COG5: variants seen among roughly 807,000 people sequenced by gnomAD.
The protein encoded by COG5 is conserved oligomeric Golgi complex subunit 5.
Under a neutral mutation model 110.4 loss-of-function variants are expected in COG5, and 86 were observed. The ratio of observed to expected loss-of-function variants is 0.78; its 90% CI spans 0.65 to 0.93. COG5 has a LOEUF of 0.93. COG5 is among the 40% of genes least tolerant of loss of function. The probability of loss-of-function intolerance (pLI) is 0.00; values close to 1 mark genes in which losing one functional copy is unlikely to be tolerated. For missense variants in COG5, 1,077 were observed against 987.0 expected, an observed-to-expected ratio of 1.09 and a Z score of -1.22; for synonymous variants, 360 against 334.6, an observed-to-expected ratio of 1.08 and a Z score of -0.83.
intron 6 of COG5, among the ~76,000 whole-genome samples, chr7:107,523,748 G>A (rs531650619): frequency 2.2e-4 from 34 of 152,116 alleles, no homozygotes; most frequent in African/African-American, 7.2e-4. Flanking sequence ...CCGGGAGGCG[G>A]AGGTTGCCGT....
At chr7:107,405,102 G>C (rs1015497395) in intron 7 of COG5, among the ~76,000 whole-genome samples, 4 of 152,126 alleles carry the variant, frequency 2.6e-5, no homozygotes, top group Non-Finnish European at 5.9e-5. Context: ...TCTTACTAAA[G>C]AAGGGGGAAG....
chr7:107,515,096 G>A (rs1021444996), intron 6 of COG5, among the ~76,000 whole-genome samples: 8 of 152,024 alleles, frequency 5.3e-5, no homozygotes, highest in Admixed American at 2.6e-4. Context: ...TAAATTAAAC[G>A]AATTATAAAT....
At chr7:107,205,668 C>A (rs1798715695) in intron 21 of COG5, among the ~76,000 whole-genome samples, 3 of 152,158 alleles carry the variant, frequency 2.0e-5, no homozygotes, top group Admixed American at 2.0e-4. Context: ...TTAGAATACC[C>A]TTCCTTGCTT....
At chr7:107,404,014 T>C (rs994513558) in intron 7 of COG5, among the ~76,000 whole-genome samples, 6 of 152,164 alleles carry the variant, frequency 3.9e-5, no homozygotes, top group African/African-American at 1.2e-4. Flanking sequence ...ACAATTTAGT[T>C]TTTAACAAAA....
At chr7:107,555,882 T>C (rs938199520) in intron 2 of COG5, among the ~76,000 whole-genome samples, 6 of 152,076 alleles carry the variant, frequency 3.9e-5, no homozygotes, top group African/African-American at 1.4e-4. Context: ...CGTGTGGTGG[T>C]GCACACCTGT....
chr7:107,352,812 A>T lies in COG5; in HGVS notation c.1026+9221T>A, dbSNP rs369547071. Among the ~76,000 whole-genome samples the T allele has an allele frequency of 5.3e-5, 8 of 152,308 alleles. No homozygotes were observed. In the South Asian group the frequency reaches 1.2e-3, roughly 24 times the overall value. On this transcript the variant is annotated intron_variant, in intron 10 of 21. Coordinates refer to ENST00000297135, the MANE Select transcript of COG5 (RefSeq NM_006348.5). ...TGCATCCTATACACATGATTACAAG[A>T]TTCTGTTTAATGATAAAAACTTCTG...
chr7:107,462,332 T>C (rs1009829475), intron 6 of COG5, among the ~76,000 whole-genome samples: 1 of 152,210 alleles, frequency 6.6e-6, no homozygotes, highest in Non-Finnish European at 1.5e-5. Context: ...TACCCATTCA[T>C]GGACTTTTGC....
intron 14 of COG5, among the ~76,000 whole-genome samples, chr7:107,262,206 T>G (rs1803412511): frequency 6.6e-6 from 1 of 152,114 alleles, no homozygotes. Flanking sequence ...TTGATTCTAA[T>G]TCCAATAATT....
intron 1 of COG5, 68 bp from the exon 2 acceptor site, chr7:107,558,183 A>T (rs1803471430): frequency 1.4e-6 from 2 of 1,478,908 alleles, no homozygotes; most frequent in Non-Finnish European, 1.9e-6. Context: ...TAAACAACAG[A>T]ACAATTATAA....
rs769329259 is a variant in COG5, at chr7:107,201,458, A to G, written c.*2058T>C. 87 of 1,445,916 alleles carry G rather than the reference A, an allele frequency of 6.0e-5. No individual in the cohort carries two copies. Among genetic ancestry groups the G allele is most frequent in the South Asian group, 3.9e-4 (34 of 86,318 alleles). The allele number at this position is 1,445,916 out of a possible 1,614,324, so 89.6% of individuals were successfully genotyped here. ...CCAGGATGCTTATGTTCTTAAGTCT[A>G]TATTTGCATATACATTGACTCTTGA... On this transcript the variant is annotated 3_prime_UTR_variant, in exon 22 of 22. Transcript: ENST00000297135.
chr7:107,369,187 G>C (rs1315533929), intron 8 of COG5, among the ~76,000 whole-genome samples: 1 of 152,066 alleles, frequency 6.6e-6, no homozygotes, highest in Non-Finnish European at 1.5e-5. Flanking sequence ...ATTTAATATG[G>C]TCTGTCATAT....
At chr7:107,477,154 G>A (rs1042120319) in intron 6 of COG5, among the ~76,000 whole-genome samples, 2 of 151,644 alleles carry the variant, frequency 1.3e-5, no homozygotes, top group Admixed American at 6.6e-5. Context: ...TTTTCGTTTA[G>A]TAAATACATT....
rs1381069997 is a variant in COG5, at chr7:107,284,074, G to A, written c.1314-342C>T. The stretch of plus-strand genomic sequence containing the variant: ...CAAGTAGCTGGGATTACAGCTGCCC[G>A]CCACCATGCCCAGCTAATTGTTGTA... On this transcript the variant is annotated intron_variant, in intron 12 of 21. Transcript: ENST00000297135. Among the ~76,000 whole-genome samples, 5 of 151,918 alleles carry A rather than the reference G, an allele frequency of 3.3e-5. 1 individual carries two copies. In the South Asian group the frequency reaches 6.2e-4, roughly 19 times the overall value.
At chr7:107,266,731 G>C (rs767949975) in intron 14 of COG5, among the ~76,000 whole-genome samples, 1 of 152,066 alleles carries the variant, frequency 6.6e-6, no homozygotes, top group Non-Finnish European at 1.5e-5. Flanking sequence ...GAAACCAGAG[G>C]ACTAACCATG....
At chr7:107,534,138 G>T (rs1801408320) in intron 5 of COG5, among the ~76,000 whole-genome samples, 2 of 151,490 alleles carry the variant, frequency 1.3e-5, no homozygotes, top group Admixed American at 6.6e-5. Flanking sequence ...TCACCACCAG[G>T]CTTGCCTTAC....
chr7:107,204,608 G>T (rs892309725), intron 21 of COG5, among the ~76,000 whole-genome samples: 5 of 152,142 alleles, frequency 3.3e-5, no homozygotes, highest in African/African-American at 1.2e-4. Flanking sequence ...CACTTAAGTG[G>T]TTTTCTTTTG....
chr7:107,336,514 C>T (rs1810713164), intron 10 of COG5, among the ~76,000 whole-genome samples: 2 of 152,102 alleles, frequency 1.3e-5, no homozygotes, highest in Admixed American at 1.3e-4. Flanking sequence ...ATCTATTGTA[C>T]ATTTCAAAAT....
intron 6 of COG5, among the ~76,000 whole-genome samples, chr7:107,473,221 T>G (rs1796744762): frequency 6.6e-6 from 1 of 151,950 alleles, no homozygotes; most frequent in Non-Finnish European, 1.5e-5. Flanking sequence ...AAATGGCTAT[T>G]TCTTAATGTG....
intron 19 of COG5, among the ~76,000 whole-genome samples, chr7:107,218,415 C>T (rs974951873): frequency 6.6e-6 from 1 of 151,956 alleles, no homozygotes; most frequent in Admixed American, 6.6e-5. Flanking sequence ...GTAAAAATAA[C>T]AAAGCTGGAG....
Sources: allele counts gnomAD v4.1 joint callset (sites outside exome capture counted in the v4.1 genomes callset), GRCh38; gene constraint gnomAD v4.1.1; transcripts MANE v1.5; gene names NCBI Gene and HGNC (gene_info 2026-07-23, HGNC 2026-07-21).